THSD7A: variants seen among roughly 807,000 people sequenced by gnomAD.
The protein encoded by THSD7A is thrombospondin type 1 domain containing 7A.
THSD7A carries 96 observed loss-of-function variants against 231.3 expected under a neutral mutation model. The ratio of observed to expected loss-of-function variants is 0.41; its 90% confidence interval spans 0.35 to 0.49. THSD7A has a LOEUF of 0.49. Among genes scored for constraint, THSD7A ranks in the 20% least tolerant of loss-of-function variants. The pLI is 0.05. For missense variants in THSD7A, 2,290 were observed against 2,070.2 expected (o/e 1.11, Z -2.06); for synonymous variants, 940 against 743.3 (o/e 1.26, Z -4.30).
intron 1 of THSD7A, among the ~76,000 whole-genome samples, chr7:11,782,349 G>A (rs1783657750): frequency 6.6e-6 from 1 of 152,068 alleles, no homozygotes; most frequent in Non-Finnish European, 1.5e-5. Context: ...TATTTTTCGA[G>A]ATGGGCCTAT....
At chr7:11,557,009 T>G (rs1383106390) in intron 4 of THSD7A, among the ~76,000 whole-genome samples, 3 of 152,088 alleles carry the variant, frequency 2.0e-5, no homozygotes, top group Non-Finnish European at 2.9e-5. Flanking sequence ...TTACAACATA[T>G]GAGAAGTGTT....
At chr7:11,697,791 A>T (rs1780447436) in intron 1 of THSD7A, among the ~76,000 whole-genome samples, 1 of 151,404 alleles carries the variant, frequency 6.6e-6, no homozygotes, top group Admixed American at 6.6e-5. Flanking sequence ...CAATAAGAAG[A>T]ACCTGTCCAT....
At chr7:11,770,620 G>A (rs1783190358) in intron 1 of THSD7A, among the ~76,000 whole-genome samples, 2 of 152,048 alleles carry the variant, frequency 1.3e-5, no homozygotes, top group South Asian at 4.1e-4. Context: ...CTACTTCAAG[G>A]ACTACACATA....
chr7:11,620,596 T>C (rs1029498884), intron 2 of THSD7A, among the ~76,000 whole-genome samples: 2 of 152,178 alleles, frequency 1.3e-5, no homozygotes, highest in East Asian at 1.9e-4. Context: ...TAACCTCCAA[T>C]GGCTGAGCAG....
At chr7:11,763,732 G>T (rs1782937560) in intron 1 of THSD7A, among the ~76,000 whole-genome samples, 1 of 151,958 alleles carries the variant, frequency 6.6e-6, no homozygotes, top group Non-Finnish European at 1.5e-5. Flanking sequence ...ATTTGTAGCT[G>T]GTTATTAAAT....
chr7:11,636,504 G>C lies in THSD7A; in HGVS notation c.648C>G (p.His216Gln). The C allele has an allele frequency of 6.2e-7, 1 of 1,613,902 alleles. No individual in the cohort carries two copies. Among genetic ancestry groups the C allele is most frequent in the Non-Finnish European group, 8.5e-7 (1 of 1,179,882 alleles). Residue 216 changes from histidine (H) to glutamine (Q), a missense_variant, in exon 2 of 28, where the codon CAC becomes CAG. Coordinates refer to ENST00000423059, the MANE Select transcript of THSD7A (RefSeq NM_015204.3). This position sits in a 1 kb window ranked among gnomAD's most constrained non-coding sequence, Gnocchi z 10.0. ...CSKTCGSGLQHRTRHVVAPPQ... is the reference protein window; with the variant it reads ...CSKTCGSGLQQRTRHVVAPPQ... ...GGGGCGCCACCACATGACGCGTCCG[G>C]TGCTGGAGCCCGCTGCCGCAGGTCT...
chr7:11,535,680 T>A (rs753329951), intron 6 of THSD7A, among the ~76,000 whole-genome samples: 1 of 152,038 alleles, frequency 6.6e-6, no homozygotes, highest in Non-Finnish European at 1.5e-5. Context: ...AACGATTCAG[T>A]TATAGGATGG....
At chr7:11,780,990 TC>T (rs1215717454) in intron 1 of THSD7A, among the ~76,000 whole-genome samples, 4 of 50,458 alleles carry the variant, frequency 7.9e-5, no homozygotes, top group African/African-American at 2.5e-4. Flanking sequence ...AGAGCGAGAC[TC>T]CGTCTCAAAA....
At chr7:11,738,471 A>G (rs76373918) in intron 1 of THSD7A, among the ~76,000 whole-genome samples, 22,187 of 152,006 alleles carry the variant, frequency 0.15, 1,802 homozygotes, top group South Asian at 0.28. Flanking sequence ...AGTGCTAGCA[A>G]TACTTTACTC....
chr7:11,754,171 T>G (rs570110898), intron 1 of THSD7A, among the ~76,000 whole-genome samples: 1 of 151,996 alleles, frequency 6.6e-6, no homozygotes, highest in Admixed American at 6.6e-5. Flanking sequence ...ACAAATATAT[T>G]CAAAGAAATC....
At chr7:11,750,407 C>A (rs781423457) in intron 1 of THSD7A, among the ~76,000 whole-genome samples, 1 of 151,738 alleles carries the variant, frequency 6.6e-6, no homozygotes, top group African/African-American at 2.4e-5. Context: ...TGAAAGAATT[C>A]GTTCGAAAAA....
chr7:11,713,296 T>G (rs960499983), intron 1 of THSD7A, among the ~76,000 whole-genome samples: 1 of 151,272 alleles, frequency 6.6e-6, no homozygotes, highest in African/African-American at 2.4e-5. Context: ...AAATAAAAGC[T>G]AATTTCACTT....
chr7:11,650,923 G>A (rs1442250811), intron 1 of THSD7A, among the ~76,000 whole-genome samples: 3 of 152,098 alleles, frequency 2.0e-5, no homozygotes, highest in Non-Finnish European at 2.9e-5. Flanking sequence ...GGCTAAAGAT[G>A]TCTGCATTTT....
intron 2 of THSD7A, among the ~76,000 whole-genome samples, chr7:11,635,235 T>C (rs922681980): frequency 2.0e-5 from 3 of 151,816 alleles, no homozygotes; most frequent in African/African-American, 7.3e-5. Context: ...GTAAATCTGA[T>C]ATACAATTCT....
chr7:11,771,746 T>C (rs1407064242), intron 1 of THSD7A, among the ~76,000 whole-genome samples: 2 of 152,170 alleles, frequency 1.3e-5, no homozygotes, highest in Non-Finnish European at 1.5e-5. Flanking sequence ...TCACGTGGAA[T>C]TGGAATCTCC....
At chr7:11,639,068 A>T (rs1382254916) in intron 1 of THSD7A, among the ~76,000 whole-genome samples, 3 of 152,172 alleles carry the variant, frequency 2.0e-5, no homozygotes, top group African/African-American at 7.2e-5. Flanking sequence ...AACACAACAT[A>T]TAAAGACATA....
chr7:11,565,770 G>C (rs1275955094), intron 4 of THSD7A, among the ~76,000 whole-genome samples: 3 of 152,078 alleles, frequency 2.0e-5, no homozygotes, highest in African/African-American at 7.2e-5. Flanking sequence ...GTTGATCAGA[G>C]TCCTTTGCTA....
chr7:11,829,342 C>A (rs2355105), intron 1 of THSD7A, among the ~76,000 whole-genome samples: 111,036 of 151,820 alleles, frequency 0.73, 40,773 homozygotes, highest in East Asian at 0.86. Context: ...TATATGAAGC[C>A]CTTTAGGGGT....
chr7:11,769,851 C>T (rs983255927), intron 1 of THSD7A, among the ~76,000 whole-genome samples: 1 of 152,072 alleles, frequency 6.6e-6, no homozygotes, highest in Non-Finnish European at 1.5e-5. Context: ...TGATTACTTG[C>T]AATATCTATA....
Sources: gnomAD v4.1 joint callset for allele counts (sites outside exome capture counted in the v4.1 genomes callset) on GRCh38, gnomAD v4.1.1 for gene constraint, Gnocchi (gnomAD v3.1) non-coding constraint, MANE v1.5 for transcripts, NCBI Gene and HGNC (gene_info 2026-07-23, HGNC 2026-07-21) for gene names.